The following ZDHHC15 variants were observed in gnomAD, a reference collection of about 807,000 sequenced individuals.
ZDHHC15 encodes palmitoyltransferase ZDHHC15.
ZDHHC15 carries 19 observed loss-of-function variants against 31.7 expected under a neutral mutation model. The ratio of observed to expected loss-of-function variants is 0.60; its 90% CI spans 0.42 to 0.88. ZDHHC15 has a LOEUF of 0.88. Ranked by LOEUF, ZDHHC15 falls within the 40% of genes least tolerant of loss-of-function variation. ZDHHC15 has a pLI of 0.00. For missense variants in ZDHHC15, 209 were observed against 251.2 expected (o/e 0.83, Z 1.14); for synonymous variants, 103 against 90.0 (o/e 1.14, Z -0.82).
intron 2 of ZDHHC15, among the ~76,000 whole-genome samples, chrX:75,498,175 C>T (rs753768979): frequency 3.3e-4 from 36 of 110,421 alleles, no homozygotes; most frequent in African/African-American, 8.6e-4. Flanking sequence ...TCAGGTGATC[C>T]GGCTGCCTCA....
At position 75,517,022 on chromosome X, in the gene ZDHHC15, C is replaced by G; in HGVS notation, c.136+5867G>C. Among the ~76,000 whole-genome samples the G allele has an allele frequency of 1.8e-5, 2 of 112,009 alleles. 1 individual carries two copies. Reference sequence around the variant, plus strand: ...CACTGGCCATCAGAGAAATGCAAATCAAAACCACAATGAGATACCATCTCA... The same window carrying G: ...CACTGGCCATCAGAGAAATGCAAATGAAAACCACAATGAGATACCATCTCA... On this transcript the variant is annotated intron_variant, in intron 1 of 11. Coordinates refer to ENST00000373367, the MANE Select transcript of ZDHHC15 (RefSeq NM_144969.3).
At chrX:75,493,173 G>T (rs1244446756) in intron 2 of ZDHHC15, among the ~76,000 whole-genome samples, 1 of 111,743 alleles carries the variant, frequency 8.9e-6, no homozygotes, top group Admixed American at 9.5e-5. Context: ...AAATAAAATA[G>T]AAAATCTAGA....
chrX:75,495,479 C>G (rs1345970656), intron 2 of ZDHHC15, among the ~76,000 whole-genome samples: 1 of 110,709 alleles, frequency 9.0e-6, no homozygotes, highest in Non-Finnish European at 1.9e-5. Context: ...GACACATGCA[C>G]ACGTATGTTT....
At chrX:75,515,368 C>CA (rs200348714) in intron 1 of ZDHHC15, among the ~76,000 whole-genome samples, 347 of 111,299 alleles carry the variant, frequency 3.1e-3, no homozygotes, top group African/African-American at 0.011. Flanking sequence ...AGAAGCACAT[C>CA]AAAAAGCTTA....
At chrX:75,413,961 C>T (rs1039359667) in intron 10 of ZDHHC15, among the ~76,000 whole-genome samples, 12 of 111,263 alleles carry the variant, frequency 1.1e-4, no homozygotes, top group African/African-American at 3.9e-4. Context: ...GCCATAGATG[C>T]CACCCATCCA....
At chrX:75,393,843 G>A (rs1246189589) in intron 10 of ZDHHC15, among the ~76,000 whole-genome samples, 5 of 111,902 alleles carry the variant, frequency 4.5e-5, no homozygotes, top group Non-Finnish European at 9.4e-5. Context: ...GAGGAGCAAG[G>A]AGAGCCAGTC....
intron 5 of ZDHHC15, 148 bp from the exon 6 acceptor site, chrX:75,430,128 G>A: frequency 3.6e-6 from 2 of 562,777 alleles, no homozygotes; most frequent in South Asian, 4.0e-5. Context: ...CCAAAACTGT[G>A]GCCCTCAGTT....
chrX:75,458,292 C>T (rs1277344203), intron 3 of ZDHHC15, among the ~76,000 whole-genome samples: 4 of 111,124 alleles, frequency 3.6e-5, no homozygotes, highest in African/African-American at 6.5e-5. Flanking sequence ...TAGAAGTTAG[C>T]GTAGTAGTTA....
At chrX:75,441,225 A>G (rs1346904844) in intron 4 of ZDHHC15, among the ~76,000 whole-genome samples, 1 of 111,440 alleles carries the variant, frequency 9.0e-6, no homozygotes, top group Non-Finnish European at 1.9e-5. Flanking sequence ...CTCAGTTGAA[A>G]TTATTACAAA....
At chrX:75,374,113 C>T (rs2083032463) in intron 11 of ZDHHC15, among the ~76,000 whole-genome samples, 1 of 108,547 alleles carries the variant, frequency 9.2e-6, no homozygotes, top group Non-Finnish European at 1.9e-5. Context: ...CCATCATTCT[C>T]AGCAAACTAA....
intron 4 of ZDHHC15, among the ~76,000 whole-genome samples, chrX:75,440,558 C>T (rs112965732): frequency 0.018 from 2,048 of 112,712 alleles, 56 homozygotes; most frequent in African/African-American, 0.062. Context: ...GGATTACAGG[C>T]GTGAGCCACC....
At chrX:75,446,654 T>A (rs1218143942) in intron 4 of ZDHHC15, among the ~76,000 whole-genome samples, 2 of 111,828 alleles carry the variant, frequency 1.8e-5, no homozygotes, top group Non-Finnish European at 3.8e-5. Context: ...ACAAATTTAT[T>A]CGCATGGTTC....
At position 75,505,805 on chromosome X, in the gene ZDHHC15, T is replaced by A; in HGVS notation, c.163+16A>T. ...GGACACGGTCCTGATCAATACAATT[T>A]CCAACATCATCTTACCTTTTTCTGC... is the stretch of plus-strand genomic sequence containing the variant. On this transcript the variant is annotated intron_variant, in intron 2 of 11. Coordinates refer to ENST00000373367, the MANE Select transcript of ZDHHC15 (RefSeq NM_144969.3). 8.3e-7 allele frequency: 1 copy of A among 1,208,807 alleles called. No individual in the cohort carries two copies. The highest frequency in any genetic ancestry group is 1.1e-6 in the Non-Finnish European group (1 of 893,788).
At chrX:75,494,888 C>T (rs1167988126) in intron 2 of ZDHHC15, among the ~76,000 whole-genome samples, 1 of 111,924 alleles carries the variant, frequency 8.9e-6, no homozygotes, top group Non-Finnish European at 1.9e-5. Context: ...GACTTCATGT[C>T]TAAAACACCG....
At position 75,460,602 on chromosome X, in the gene ZDHHC15, T is replaced by A. The variant is rs550712275; in HGVS notation, c.259-9680A>T. Among the ~76,000 whole-genome samples the A allele has an allele frequency of 2.7e-5, 3 of 110,663 alleles. No homozygotes were observed. The Admixed American group carries it at 2.9e-4, about 11-fold the overall frequency. On this transcript the variant is annotated intron_variant, in intron 3 of 11. Coordinates refer to ENST00000373367, the MANE Select transcript of ZDHHC15 (RefSeq NM_144969.3). The stretch of plus-strand genomic sequence containing the variant: ...AGGAAAGAGAAGGCTGCCATCTTTG[T>A]TGTTTCACAGCCTTCACTGGTGATA...
chrX:75,437,133 G>A (rs1228558037), intron 4 of ZDHHC15, among the ~76,000 whole-genome samples: 2 of 110,949 alleles, frequency 1.8e-5, no homozygotes, highest in Non-Finnish European at 3.8e-5. Context: ...CGCCCGCCCC[G>A]GCCACCCAAA....
Position 75,522,996 on chromosome X carries a change from G to C in ZDHHC15, c.29C>G (p.Ser10Cys), listed in dbSNP as rs777119134. The C allele has an allele frequency of 8.3e-7, 1 of 1,207,878 alleles. No homozygotes were observed. The highest frequency in any genetic ancestry group is 1.1e-6 in the Non-Finnish European group (1 of 893,931). ...CCGGCGGCAGCACCGCAGCCCCCCA[G>C]ACAGAGCCATCTTCCAGCCTCGCCG... The part of the protein sequence containing the change: MRRGWKMAL[S>C]GGLRCCRRVL... Residue 10 changes from serine to cysteine, a missense_variant, in exon 1 of 12, where the codon TCT (serine) becomes TGT (cysteine). By Grantham distance (112) the Ser-to-Cys change is moderately radical (BLOSUM62 -1). Coordinates refer to ENST00000373367, the MANE Select transcript of ZDHHC15 (RefSeq NM_144969.3).
At chrX:75,439,039 C>T (rs1025294048) in intron 4 of ZDHHC15, among the ~76,000 whole-genome samples, 2 of 111,553 alleles carry the variant, frequency 1.8e-5, no homozygotes, top group African/African-American at 6.5e-5. Flanking sequence ...AGTCTGATAG[C>T]TTTCCCTTCA....
intron 10 of ZDHHC15, among the ~76,000 whole-genome samples, chrX:75,380,057 T>A (rs2083098628): frequency 1.8e-5 from 2 of 112,112 alleles, no homozygotes; most frequent in South Asian, 7.5e-4. Context: ...GACCCTATGG[T>A]AGGCCCAACA....
Sources: allele counts gnomAD v4.1 joint callset (sites outside exome capture counted in the v4.1 genomes callset), GRCh38; gene constraint gnomAD v4.1.1; transcripts MANE v1.5; gene names NCBI Gene and HGNC (gene_info 2026-07-23, HGNC 2026-07-21).